Variants in CSMD1 observed in about 807,000 individuals in gnomAD.
The protein encoded by CSMD1 is CUB and sushi domain-containing protein 1.
A neutral mutation model predicts 417.5 loss-of-function variants in CSMD1; 213 were observed. That is an observed-to-expected ratio of 0.51 (90% CI 0.46 to 0.57). CSMD1 has a LOEUF of 0.57. CSMD1 is among the 20% of genes least tolerant of loss of function. The probability of loss-of-function intolerance (pLI) is 0.00; values close to 1 mark genes in which losing one functional copy is unlikely to be tolerated. For missense variants in CSMD1, 6,923 were observed against 4,529.7 expected (o/e 1.53, Z -15.17); for synonymous variants, 2,862 against 1,736.8 (o/e 1.65, Z -16.11).
intron 26 of CSMD1, among the ~76,000 whole-genome samples, chr8:3,253,619 G>C (rs553144036): frequency 2.0e-5 from 3 of 152,310 alleles, no homozygotes; most frequent in African/African-American, 2.4e-5. Flanking sequence ...GTCTAAAGTT[G>C]AGAGTGGGTT....
chr8:4,126,537 G>C (rs912277911), intron 3 of CSMD1, among the ~76,000 whole-genome samples: 7 of 152,170 alleles, frequency 4.6e-5, no homozygotes, highest in African/African-American at 1.7e-4. Context: ...CAGTGCTGCA[G>C]GGAGGCCACT....
intron 5 of CSMD1, among the ~76,000 whole-genome samples, chr8:3,801,555 A>C (rs1194144135): frequency 6.6e-6 from 1 of 152,152 alleles, no homozygotes; most frequent in Non-Finnish European, 1.5e-5. Context: ...GCTGGAAGAC[A>C]GTTTTGCAAT....
chr8:3,671,133 T>C (rs962184564), intron 7 of CSMD1, among the ~76,000 whole-genome samples: 30 of 147,334 alleles, frequency 2.0e-4, no homozygotes, highest in African/African-American at 7.2e-4. Context: ...TATATATGTA[T>C]GGGATATATG....
At chr8:4,939,707 T>C (rs118017744) in intron 1 of CSMD1, among the ~76,000 whole-genome samples, 1 of 152,226 alleles carries the variant, frequency 6.6e-6, no homozygotes, top group South Asian at 2.1e-4. Flanking sequence ...GGACAAGGAA[T>C]AATTTCAAGT....
rs563309166 is a variant in CSMD1 at position 3,676,166 on chromosome 8, G to A, written c.1009+32248C>T. ...ATAGGTAAATTGTTTATTTTCTTCT[G>A]CTCAATTTTATAGTCTTCTCCTCGT... On this transcript the variant is annotated intron_variant, in intron 7 of 69. Coordinates refer to ENST00000635120, the MANE Select transcript of CSMD1 (RefSeq NM_033225.6). Among the ~76,000 whole-genome samples the A allele has an allele frequency of 1.1e-4, 17 of 152,218 alleles. No individual in the cohort carries two copies. The East Asian group carries it at 2.9e-3, about 26-fold the overall frequency.
chr8:3,184,566 T>TA (rs1180708162), intron 36 of CSMD1, among the ~76,000 whole-genome samples: 1 of 152,238 alleles, frequency 6.6e-6, no homozygotes, highest in Non-Finnish European at 1.5e-5. Flanking sequence ...GCCTTCTTCT[T>TA]ACGCATTTGT....
chr8:4,453,180 C>T (rs1042512305), intron 2 of CSMD1, among the ~76,000 whole-genome samples: 2 of 149,808 alleles, frequency 1.3e-5, no homozygotes, highest in Non-Finnish European at 3.0e-5. Context: ...CCCCTCCATC[C>T]CAACACACAG....
At chr8:4,632,152 C>T (rs924141764) in intron 2 of CSMD1, among the ~76,000 whole-genome samples, 5 of 152,182 alleles carry the variant, frequency 3.3e-5, no homozygotes, top group South Asian at 4.1e-4. Flanking sequence ...CATTAAGTCA[C>T]GTTGGGTTCC....
chr8:4,405,882 A>G (rs1003401551), intron 3 of CSMD1, among the ~76,000 whole-genome samples: 17 of 152,142 alleles, frequency 1.1e-4, no homozygotes, highest in African/African-American at 3.4e-4. Flanking sequence ...GCATGTGGTT[A>G]TTTTTGGTCA....
chr8:3,857,486 A>T (rs1282076383), intron 5 of CSMD1, among the ~76,000 whole-genome samples: 2 of 152,164 alleles, frequency 1.3e-5, no homozygotes, highest in Non-Finnish European at 2.9e-5. Context: ...ACCTATATAT[A>T]TGAGGATACC....
intron 2 of CSMD1, among the ~76,000 whole-genome samples, chr8:4,611,381 C>A (rs1801159701): frequency 6.6e-6 from 1 of 152,214 alleles, no homozygotes; most frequent in Non-Finnish European, 1.5e-5. Flanking sequence ...CTCAGCTCCC[C>A]ACTGGCTATC....
At chr8:3,924,874 G>A (rs1416302454) in intron 5 of CSMD1, among the ~76,000 whole-genome samples, 2 of 152,060 alleles carry the variant, frequency 1.3e-5, no homozygotes, top group African/African-American at 4.8e-5. Context: ...TTTCTTTAGG[G>A]TTTGGTACTG....
At chr8:3,695,753 C>G (rs1400854064) in intron 7 of CSMD1, among the ~76,000 whole-genome samples, 1 of 152,162 alleles carries the variant, frequency 6.6e-6, no homozygotes, top group Non-Finnish European at 1.5e-5. Context: ...AAACCCTAGT[C>G]TGAGCATATT....
At chr8:3,386,330 G>A (rs1811002072) in intron 18 of CSMD1, among the ~76,000 whole-genome samples, 1 of 152,132 alleles carries the variant, frequency 6.6e-6, no homozygotes, top group East Asian at 1.9e-4. Flanking sequence ...CCCCACAGAC[G>A]CCGAACTCGA....
intron 22 of CSMD1, 103 bp from the exon 23 acceptor site, chr8:3,343,553 A>G: frequency 6.1e-6 from 6 of 981,606 alleles, no homozygotes; most frequent in South Asian, 3.6e-5. Context: ...GTTTTAAACA[A>G]TACTTAAAAA....
intron 1 of CSMD1, among the ~76,000 whole-genome samples, chr8:4,954,222 C>G (rs559027386): frequency 6.6e-6 from 1 of 152,248 alleles, no homozygotes; most frequent in East Asian, 1.9e-4. Flanking sequence ...TCAAGGAGCT[C>G]AGAGTTTAAG....
At chr8:3,904,293 AC>A (rs1223965322) in intron 5 of CSMD1, among the ~76,000 whole-genome samples, 4 of 152,232 alleles carry the variant, frequency 2.6e-5, no homozygotes, top group African/African-American at 9.6e-5. Context: ...TTCCTGGAGG[AC>A]ACCCCTTTCT....
intron 2 of CSMD1, among the ~76,000 whole-genome samples, chr8:4,621,565 T>A (rs1801781426): frequency 6.6e-6 from 1 of 152,138 alleles, no homozygotes; most frequent in African/African-American, 2.4e-5. Flanking sequence ...TATTTAAGAT[T>A]TCTAAAAGAA....
intron 5 of CSMD1, among the ~76,000 whole-genome samples, chr8:3,963,391 C>T (rs1303228873): frequency 6.6e-6 from 1 of 152,032 alleles, no homozygotes; most frequent in Non-Finnish European, 1.5e-5. Flanking sequence ...TATATGACAT[C>T]CTATACTCCA....
Sources: gnomAD v4.1 joint callset for allele counts (sites outside exome capture counted in the v4.1 genomes callset) on GRCh38, gnomAD v4.1.1 for gene constraint, MANE v1.5 for transcripts, NCBI Gene and HGNC (gene_info 2026-07-23, HGNC 2026-07-21) for gene names.